SHISA7: variants seen among roughly 807,000 people sequenced by gnomAD.
SHISA7 encodes the protein shisa family member 7, also known as protein shisa-7.
In SHISA7, 6 loss-of-function variants were observed where a neutral mutation model predicts 23.9. That is an observed-to-expected ratio of 0.25 (90% CI 0.14 to 0.50). SHISA7 has a LOEUF of 0.50. Among genes scored for constraint, SHISA7 ranks in the 20% least tolerant of loss-of-function variants. SHISA7 has a pLI of 0.98. For missense variants in SHISA7, 671 were observed against 801.1 expected (o/e 0.84, Z 1.96); for synonymous variants, 386 against 398.3 (o/e 0.97, Z 0.37).
intron 3 of SHISA7, among the ~76,000 whole-genome samples, chr19:55,436,116 G>A (rs933986811): frequency 6.6e-6 from 1 of 151,746 alleles, no homozygotes; most frequent in Non-Finnish European, 1.5e-5. Context: ...GTGAAACCCC[G>A]TCTCTATTAA....
At chr19:55,440,952 C>G (rs1315662900) in intron 1 of SHISA7, among the ~76,000 whole-genome samples, 187 bp from the exon 2 acceptor site, 1 of 152,156 alleles carries the variant, frequency 6.6e-6, no homozygotes, top group African/African-American at 2.4e-5. Flanking sequence ...TCAGGCCACA[C>G]TTCCTGCTTG....
intron 3 of SHISA7, among the ~76,000 whole-genome samples, chr19:55,435,254 GGTGT>G (rs1175502021): frequency 7.7e-5 from 10 of 129,226 alleles, no homozygotes; most frequent in African/African-American, 2.7e-4. Context: ...GCGTGTGTGT[GGTGT>G]GTATGTGTGT....
chr19:55,436,524 A>G (rs1210569329), intron 3 of SHISA7, among the ~76,000 whole-genome samples: 1 of 150,148 alleles, frequency 6.7e-6, no homozygotes, highest in Non-Finnish European at 1.5e-5. Flanking sequence ...AATCACTTGA[A>G]CTCGGCAGGC....
chr19:55,436,431 C>T (rs1347534205), intron 3 of SHISA7, among the ~76,000 whole-genome samples: 3 of 151,728 alleles, frequency 2.0e-5, no homozygotes, highest in Non-Finnish European at 4.4e-5. Flanking sequence ...GGTGAAACCC[C>T]GTCTCTACTA....
Position 55,437,652 on chromosome 19 carries a change from G to C in SHISA7, c.929C>G (p.Ala310Gly). ...NLSHLPPSYE[A>G]AVKSELNRYS... ...GCGGTTCAGCTCGGATTTCACGGCAGCCTCGTAGGACGGGGGCAGATGCGA... is the reference window on the plus strand; with the variant it reads ...GCGGTTCAGCTCGGATTTCACGGCACCCTCGTAGGACGGGGGCAGATGCGA... Residue 310 changes from alanine (A) to glycine (G), a missense_variant, in exon 3 of 4, where the codon GCT becomes GGT. By Grantham distance (60) the Ala-to-Gly change is moderately conservative (BLOSUM62 0). Coordinates refer to ENST00000376325, the MANE Select transcript of SHISA7 (RefSeq NM_001145176.2). 1 of 1,551,622 alleles carries C rather than the reference G, an allele frequency of 6.4e-7. No homozygotes were observed. The highest frequency in any genetic ancestry group is 1.2e-5 in the South Asian group (1 of 84,054).
At chr19:55,435,589 CAAAAAAA>C (rs1160895563) in intron 3 of SHISA7, among the ~76,000 whole-genome samples, 346 of 66,428 alleles carry the variant, frequency 5.2e-3, no homozygotes, top group Middle Eastern at 0.029. Context: ...TCCATCTCTA[CAAAAAAA>C]AAAAAAAAAA....
Position 55,437,576 on chromosome 19 carries a change from A to G in SHISA7, c.976+29T>C, listed in dbSNP as rs190124024. 71 of 1,544,526 alleles carry G rather than the reference A, an allele frequency of 4.6e-5. No homozygotes were observed. In the East Asian group the frequency reaches 4.7e-4, roughly 10 times the overall value. On this transcript the variant is annotated intron_variant, in intron 3 of 3. Coordinates refer to ENST00000376325, the MANE Select transcript of SHISA7 (RefSeq NM_001145176.2). The stretch of plus-strand genomic sequence containing the variant: ...GCTCTGGCCCCGCCCCCTCCCCTTC[A>G]CCGCCGCGCTGCCCTTGCCAGGACT...
Position 55,442,341 on chromosome 19 carries a change from C to T in SHISA7, c.523G>A (p.Gly175Ser). 2 of 1,474,356 alleles carry T rather than the reference C, an allele frequency of 1.4e-6. No homozygotes were observed. Among genetic ancestry groups the T allele is most frequent in the Non-Finnish European group, 1.8e-6 (2 of 1,119,996 alleles). 91.3% of individuals were successfully genotyped at this position (1,474,356 alleles called of 1,614,324 possible). The change falls in exon 1 of 4, where the codon GGC (glycine) becomes AGC (serine). Residue 175 changes from glycine to serine, a missense_variant. Around this residue, in one of 5 missense-constraint regions of SHISA7, gnomAD observed 59 missense variants for 57.2 expected, o/e 1.03. Coordinates refer to ENST00000376325, the MANE Select transcript of SHISA7 (RefSeq NM_001145176.2). ...CCCCCGGGGCCCTCGCCCCCGCGGC[C>T]CCCGGCACCCCCAGTCCGGCCCCCT... is the stretch of plus-strand genomic sequence containing the variant. Reference protein sequence around the residue: ...LEGGRTGGAGGRGGEGPGGST... With the variant: ...LEGGRTGGAGSRGGEGPGGST...
rs768459986 is a variant in SHISA7, at chr19:55,433,202, AGGT to A, written c.1568_1570del (p.His523del). 6 of 1,529,340 alleles carry A rather than the reference AGGT, an allele frequency of 3.9e-6. No homozygotes were observed. The South Asian group carries it at 7.2e-5, about 18-fold the overall frequency. The allele number at this position is 1,529,340 out of a possible 1,614,324, so 94.7% of individuals were successfully genotyped here. On this transcript the variant is annotated inframe_deletion, in exon 4 of 4. Coordinates refer to ENST00000376325, the MANE Select transcript of SHISA7 (RefSeq NM_001145176.2). The surrounding 1 kb of genome is among the most constrained non-coding windows in gnomAD (Gnocchi z 8.4). ...GCTGGCCGTGCGCAGGTGCTGGGGC[AGGT>A]GGTGGCCCGGGATGAACTGCAGCTG... is the stretch of plus-strand genomic sequence containing the variant.
rs1184011779 is a variant in SHISA7, at chr19:55,442,967, G to C, written c.-104C>G. ...AAACGGTCAGAGGGTGAGAAACGTA[G>C]AGATGGGTGGGCAGAGAGGCTGGGG... On this transcript the variant is annotated 5_prime_UTR_variant, in exon 1 of 4. Transcript: ENST00000376325. 2.7e-6 allele frequency: 1 copy of C among 375,480 alleles called. No homozygotes were observed. Among genetic ancestry groups the C allele is most frequent in the Non-Finnish European group, 3.8e-6 (1 of 266,604 alleles). The allele number at this position is 375,480 out of a possible 1,614,324, so 23.3% of individuals were successfully genotyped here. A position where few individuals can be genotyped will look rare whatever the true frequency, so the allele number is the denominator to read the frequency against.
chr19:55,442,849 C>T lies in SHISA7; in HGVS notation c.15G>A (p.Leu5=). The change falls in exon 1 of 4, where the codon CTG becomes CTA. Residue 5 remains leucine (L), a synonymous_variant. Coordinates refer to ENST00000376325, the MANE Select transcript of SHISA7 (RefSeq NM_001145176.2). MPAL[L]LLVLLASSAG... is the part of the protein sequence containing the mutation. ...CGCTAGAGGCCAGGAGTACGAGGAG[C>T]AGGAGGGCCGGCATGGGGCTTGCAG... 7.2e-7 allele frequency: 1 copy of T among 1,389,004 alleles called. No homozygotes were observed. The highest frequency in any genetic ancestry group is 9.3e-7 in the Non-Finnish European group (1 of 1,073,628). The allele number at this position is 1,389,004 out of a possible 1,614,324, so 86.0% of individuals were successfully genotyped here.
At chr19:55,437,128 T>C (rs1359901858) in intron 3 of SHISA7, among the ~76,000 whole-genome samples, 1 of 152,102 alleles carries the variant, frequency 6.6e-6, no homozygotes, top group African/African-American at 2.4e-5. Flanking sequence ...GAGACTCTTT[T>C]CTGCCAGGGT....
chr19:55,432,831 C>A lies in SHISA7; in HGVS notation c.*325G>T. The A allele has an allele frequency of 3.4e-6, 1 of 293,042 alleles. No homozygotes were observed. The highest frequency in any genetic ancestry group is 6.4e-6 in the Non-Finnish European group (1 of 156,598). The allele number at this position is 293,042 out of a possible 1,614,324, so 18.2% of individuals were successfully genotyped here. A position where few individuals can be genotyped will look rare whatever the true frequency, so the allele number is the denominator to read the frequency against. On this transcript the variant is annotated 3_prime_UTR_variant, in exon 4 of 4. Transcript: ENST00000376325. This position sits in a 1 kb window ranked among gnomAD's most constrained non-coding sequence, Gnocchi z 4.6. ...TGGCCTCCAGCGCTGACCTCACGGG[C>A]CGGCCTCTTCCTCTGTGATGACCTC...
At position 55,430,671 on chromosome 19, in the gene SHISA7, CCTGGG is replaced by C; in HGVS notation, c.*2480_*2484del. The C allele has an allele frequency of 6.7e-6, 1 of 149,588 alleles. No homozygotes were observed. The highest frequency in any genetic ancestry group is 1.5e-5 in the Non-Finnish European group (1 of 67,716). 9.3% of individuals were successfully genotyped at this position (149,588 alleles called of 1,614,324 possible). ...GGTGACAACACTGGACCTCATGGAT[CCTGGG>C]AGATGATGACACCAGGGTTATGGTG... On this transcript the variant is annotated 3_prime_UTR_variant, in exon 4 of 4. Coordinates refer to ENST00000376325, the MANE Select transcript of SHISA7 (RefSeq NM_001145176.2).
At position 55,433,396 on chromosome 19, in the gene SHISA7, C is replaced by A; in HGVS notation, c.1377G>T (p.Gly459=). The change falls in exon 4 of 4, where the codon GGG becomes GGT. Residue 459 remains glycine (G), a synonymous_variant. Coordinates refer to ENST00000376325, the MANE Select transcript of SHISA7 (RefSeq NM_001145176.2). The surrounding 1 kb of genome is among the most constrained non-coding windows in gnomAD (Gnocchi z 8.4). ...GCCCGCGCAGCGGTGTTGGGGGCCC[C>A]CCGGGCCCCAGCAGCAGGTTGGAGT... ...ASHSNLLLGP[G]GPPTPLRGLP... 1 of 1,326,994 alleles carries A rather than the reference C, an allele frequency of 7.5e-7. No individual in the cohort carries two copies. The highest frequency in any genetic ancestry group is 9.5e-7 in the Non-Finnish European group (1 of 1,047,142). The allele number at this position is 1,326,994 out of a possible 1,614,324, so 82.2% of individuals were successfully genotyped here.
rs1297790115 is a variant in SHISA7 at position 55,437,766 on chromosome 19, G to C, written c.827-12C>G. On this transcript the variant is annotated splice_polypyrimidine_tract_variant and intron_variant, in intron 2 of 3. Transcript: ENST00000376325. ...CAAGGCTCGCCAGTCTGGGTTAGAGGGGGCAGGGCCAGGGTCAGTCAGCTT... is the reference window on the plus strand; with the variant it reads ...CAAGGCTCGCCAGTCTGGGTTAGAGCGGGCAGGGCCAGGGTCAGTCAGCTT... The C allele has an allele frequency of 1.9e-6, 3 of 1,548,252 alleles. No individual in the cohort carries two copies. The highest frequency in any genetic ancestry group is 2.6e-6 in the Non-Finnish European group (3 of 1,145,526).
At position 55,433,691 on chromosome 19, in the gene SHISA7, T is replaced by G; in HGVS notation, c.1082A>C (p.Tyr361Ser). The G allele has an allele frequency of 6.7e-7, 1 of 1,481,704 alleles. No individual in the cohort carries two copies. The highest frequency in any genetic ancestry group is 8.9e-7 in the Non-Finnish European group (1 of 1,123,792). 91.8% of individuals were successfully genotyped at this position (1,481,704 alleles called of 1,614,324 possible). ...ALRRPGTGGG[Y>S]RMEAWGGPEE... is the part of the protein sequence containing the mutation. ...TGGGCCGCCCCAGGCCTCCATGCGA[T>G]AGCCGCCCCCCGTGCCCGGCCGCCG... Residue 361 changes from tyrosine to serine, a missense_variant, in exon 4 of 4, where the codon TAT (tyrosine) becomes TCT (serine). Coordinates refer to ENST00000376325, the MANE Select transcript of SHISA7 (RefSeq NM_001145176.2). The surrounding 1 kb of genome is among the most constrained non-coding windows in gnomAD (Gnocchi z 8.4).
At chr19:55,435,408 T>TGTGGGGGTGTGTGTTG (rs1555753677) in intron 3 of SHISA7, among the ~76,000 whole-genome samples, 2 of 132,468 alleles carry the variant, frequency 1.5e-5, no homozygotes, top group African/African-American at 5.8e-5. Context: ...TGGGTGTGTG[T>TGTGGGGGTGTGTGTTG]TGTGTGTGTG....
rs1985117066 is a variant in SHISA7, at chr19:55,429,491, AC to A, written c.*3664del. Reference sequence around the variant, plus strand: ...ACCAGGGCCCAGGTGGATTTGGGTAACCCCCATTTCCTCAGTGTGGTGGGAA... The same window carrying A: ...ACCAGGGCCCAGGTGGATTTGGGTAACCCCATTTCCTCAGTGTGGTGGGAA... On this transcript the variant is annotated 3_prime_UTR_variant, in exon 4 of 4. Transcript: ENST00000376325. The A allele has an allele frequency of 6.6e-6, 1 of 151,714 alleles. No individual in the cohort carries two copies. The highest frequency in any genetic ancestry group is 2.4e-5 in the African/African-American group (1 of 41,154). 9.4% of individuals were successfully genotyped at this position (151,714 alleles called of 1,614,324 possible).
Sources: gnomAD v4.1 joint callset for allele counts (sites outside exome capture counted in the v4.1 genomes callset) on GRCh38, gnomAD v4.1.1 for gene constraint, gnomAD v4.1.1 regional missense constraint, Gnocchi (gnomAD v3.1) non-coding constraint, MANE v1.5 for transcripts, NCBI Gene and HGNC (gene_info 2026-07-23, HGNC 2026-07-21) for gene names.